Variants in SH3D19 observed in about 807,000 individuals in gnomAD.
SH3D19 encodes SH3 domain containing 19.
Under a neutral mutation model 112.1 loss-of-function variants are expected in SH3D19, and 58 were observed. The ratio of observed to expected loss-of-function variants is 0.52; its 90% CI spans 0.42 to 0.64. The LOEUF (loss-of-function observed/expected upper bound fraction) is 0.64. SH3D19 is among the 30% of genes least tolerant of loss of function. The pLI, the probability that SH3D19 is intolerant of heterozygous loss-of-function variation, is 0.00. For missense variants in SH3D19, 1,090 were observed against 1,263.4 expected (o/e 0.86, Z 2.08); for synonymous variants, 391 against 448.5 (o/e 0.87, Z 1.62).
Position 151,275,132 on chromosome 4 carries a change from G to A in SH3D19, c.113-49046C>T, listed in dbSNP as rs548775470. Among the ~76,000 whole-genome samples, 10 of 151,880 alleles carry A rather than the reference G, an allele frequency of 6.6e-5. No individual in the cohort carries two copies. In the East Asian group the frequency reaches 1.7e-3, roughly 27 times the overall value. ...GACGGAATCTTGCTCTGTCGCCCAG[G>A]CTGGAGTGCAGTGGCGCGATCTCGG... On this transcript the variant is annotated intron_variant, in intron 1 of 19. Transcript: ENST00000604030.
At chr4:151,218,413 G>T (rs1767476737) in intron 2 of SH3D19, among the ~76,000 whole-genome samples, 1 of 150,202 alleles carries the variant, frequency 6.7e-6, no homozygotes, top group Non-Finnish European at 1.5e-5. Context: ...ACTATGCAGA[G>T]TTTTTTTTTT....
At chr4:151,186,136 C>A (rs2149847547) in intron 3 of SH3D19, among the ~76,000 whole-genome samples, 1 of 152,274 alleles carries the variant, frequency 6.6e-6, no homozygotes. Flanking sequence ...CATCTAAAAT[C>A]CTATCTTTAT....
chr4:151,131,973 G>A (rs1438447501), intron 17 of SH3D19, among the ~76,000 whole-genome samples: 2 of 151,932 alleles, frequency 1.3e-5, no homozygotes, highest in Admixed American at 6.6e-5. Context: ...ACAGGTGCAC[G>A]CCACCATGCC....
intron 1 of SH3D19, among the ~76,000 whole-genome samples, chr4:151,277,486 T>G (rs544566366): frequency 1.3e-5 from 2 of 152,052 alleles, no homozygotes; most frequent in Non-Finnish European, 2.9e-5. Flanking sequence ...TTATAAGGCT[T>G]GTTAGAAGGT....
intron 1 of SH3D19, among the ~76,000 whole-genome samples, chr4:151,249,901 C>G (rs1242302036): frequency 2.6e-5 from 4 of 152,106 alleles, no homozygotes; most frequent in Admixed American, 2.6e-4. Flanking sequence ...TTTTCTAATT[C>G]CTGAATTTCA....
At chr4:151,200,033 C>A (rs1273433095) in intron 2 of SH3D19, among the ~76,000 whole-genome samples, 1 of 151,978 alleles carries the variant, frequency 6.6e-6, no homozygotes, top group Admixed American at 6.6e-5. Flanking sequence ...GCCTTTCTGC[C>A]ATAAGAGGAA....
intron 9 of SH3D19, among the ~76,000 whole-genome samples, chr4:151,157,059 C>T (rs959143460): frequency 1.3e-5 from 2 of 152,038 alleles, no homozygotes; most frequent in Non-Finnish European, 2.9e-5. Context: ...CAAGAACAGC[C>T]TGGGCAATGT....
chr4:151,144,275 T>G, intron 11 of SH3D19: 5 of 1,614,034 alleles, frequency 3.1e-6, no homozygotes, highest in Non-Finnish European at 4.2e-6. Context: ...GGCAATTCCA[T>G]GAGGCACAGA....
intron 1 of SH3D19, among the ~76,000 whole-genome samples, chr4:151,244,199 A>AAACAAT (rs111245120): frequency 6.6e-6 from 1 of 150,978 alleles, no homozygotes; most frequent in Non-Finnish European, 1.5e-5. Context: ...CCCACATCTC[A>AAACAAT]AACAACAACA....
At chr4:151,200,364 A>G (rs1580123628) in intron 2 of SH3D19, among the ~76,000 whole-genome samples, 1 of 152,282 alleles carries the variant, frequency 6.6e-6, no homozygotes, top group East Asian at 1.9e-4. Context: ...TGACAATTGA[A>G]TTTTCAGAAA....
chr4:151,238,904 T>C (rs1022652184), intron 1 of SH3D19, among the ~76,000 whole-genome samples: 23 of 152,232 alleles, frequency 1.5e-4, no homozygotes, highest in Non-Finnish European at 2.9e-4. Context: ...TCCTCTCCAC[T>C]TCATTAACTT....
At chr4:151,236,492 A>G (rs1770059258) in intron 1 of SH3D19, among the ~76,000 whole-genome samples, 1 of 152,202 alleles carries the variant, frequency 6.6e-6, no homozygotes, top group Non-Finnish European at 1.5e-5. Context: ...CTGTCTAGCT[A>G]AAGGATTGTA....
chr4:151,255,598 A>T (rs991748314), intron 1 of SH3D19, among the ~76,000 whole-genome samples: 1 of 151,884 alleles, frequency 6.6e-6, no homozygotes, highest in Non-Finnish European at 1.5e-5. Flanking sequence ...GGCCAGGCAG[A>T]GACGCTCCTC....
At chr4:151,136,861 G>A (rs766908605) in intron 14 of SH3D19, among the ~76,000 whole-genome samples, 9 of 152,166 alleles carry the variant, frequency 5.9e-5, no homozygotes, top group Non-Finnish European at 1.3e-4. Flanking sequence ...TAATCCAAGA[G>A]ACTCAAATTC....
At chr4:151,274,299 C>T (rs1037547187) in intron 1 of SH3D19, among the ~76,000 whole-genome samples, 1 of 152,168 alleles carries the variant, frequency 6.6e-6, no homozygotes. Context: ...AGGTAAACAT[C>T]TTTATGCTAC....
Position 151,120,584 on chromosome 4 carries a change from T to C in SH3D19, c.*1507A>G, listed in dbSNP as rs1388523646. Reference sequence around the variant, plus strand: ...GAGTGAAATTTGACAAGAATTTTCTTTATACTCTCTTCTTTACCAAAACGT... The same window carrying C: ...GAGTGAAATTTGACAAGAATTTTCTCTATACTCTCTTCTTTACCAAAACGT... On this transcript the variant is annotated 3_prime_UTR_variant, in exon 20 of 20. Coordinates refer to ENST00000604030, the MANE Select transcript of SH3D19 (RefSeq NM_001378122.1). 6.6e-6 allele frequency: 1 copy of C among 152,226 alleles called. No individual in the cohort carries two copies. Among genetic ancestry groups the C allele is most frequent in the African/African-American group, 2.4e-5 (1 of 41,462 alleles). 9.4% of individuals were successfully genotyped at this position (152,226 alleles called of 1,614,324 possible).
chr4:151,287,270 G>A (rs538196243), intron 1 of SH3D19, among the ~76,000 whole-genome samples: 9 of 148,958 alleles, frequency 6.0e-5, no homozygotes, highest in African/African-American at 2.0e-4. Context: ...GAACCCGGGA[G>A]GCAGAGGTTT....
chr4:151,247,496 A>T (rs1771027273), intron 1 of SH3D19, among the ~76,000 whole-genome samples: 1 of 152,222 alleles, frequency 6.6e-6, no homozygotes, highest in Non-Finnish European at 1.5e-5. Context: ...TTAAAAAATT[A>T]AACAGATTCT....
intron 1 of SH3D19, among the ~76,000 whole-genome samples, chr4:151,295,431 C>T (rs1480753826): frequency 6.6e-6 from 1 of 152,206 alleles, no homozygotes; most frequent in Non-Finnish European, 1.5e-5. Flanking sequence ...GTCTTACCGT[C>T]CCCTATTCTT....
Sources: allele counts gnomAD v4.1 joint callset (sites outside exome capture counted in the v4.1 genomes callset), GRCh38; gene constraint gnomAD v4.1.1; transcripts MANE v1.5; gene names NCBI Gene and HGNC (gene_info 2026-07-23, HGNC 2026-07-21).